The following RNF19A variants were observed in gnomAD, a reference collection of about 807,000 sequenced individuals.
RNF19A encodes the protein ring finger protein 19A, RBR E3 ubiquitin protein ligase.
In RNF19A, 32 loss-of-function variants were observed where a neutral mutation model predicts 75.7. The ratio of observed to expected loss-of-function variants is 0.42; its 90% CI spans 0.32 to 0.57. The LOEUF is 0.57. RNF19A is among the 20% of genes least tolerant of loss of function. The probability of loss-of-function intolerance (pLI) is 0.10; values close to 1 mark genes in which losing one functional copy is unlikely to be tolerated. For missense variants in RNF19A, 782 were observed against 1,036.3 expected (o/e 0.75, Z 3.37); for synonymous variants, 335 against 345.2 (o/e 0.97, Z 0.33).
chr8:100,272,758 G>T (rs932799337), intron 3 of RNF19A, among the ~76,000 whole-genome samples: 1 of 151,968 alleles, frequency 6.6e-6, no homozygotes, highest in South Asian at 2.1e-4. Context: ...TGCCCAGGCT[G>T]TTGAAGTTTT....
chr8:100,315,875 T>C (rs1822365765), intron 1 of RNF19A, among the ~76,000 whole-genome samples: 1 of 152,224 alleles, frequency 6.6e-6, no homozygotes, highest in Non-Finnish European at 1.5e-5. Context: ...TCTATGGGGT[T>C]GGGGTGCTAG....
intron 1 of RNF19A, among the ~76,000 whole-genome samples, chr8:100,289,285 G>C (rs1821180171): frequency 6.6e-6 from 1 of 152,078 alleles, no homozygotes; most frequent in Non-Finnish European, 1.5e-5. Context: ...GGAGACAAAA[G>C]AGACTATTTC....
Position 100,261,102 on chromosome 8 carries a change from TC to T in RNF19A, c.1682+439del, listed in dbSNP as rs931263207. ...ACTTAGAAATCTACCACCAAATTTTTCTTTTTTTTTTTGAGACAGGGTCTCA... is the reference window on the plus strand; with the variant it reads ...ACTTAGAAATCTACCACCAAATTTTTTTTTTTTTTTTGAGACAGGGTCTCA... On this transcript the variant is annotated intron_variant, in intron 8 of 9. Transcript: ENST00000341084. This position sits in a 1 kb window ranked among gnomAD's most constrained non-coding sequence, Gnocchi z 4.4. Among the ~76,000 whole-genome samples, 2 of 151,982 alleles carry T rather than the reference TC, an allele frequency of 1.3e-5. No homozygotes were observed. The highest frequency in any genetic ancestry group is 2.9e-5 in the Non-Finnish European group (2 of 67,978).
intron 1 of RNF19A, among the ~76,000 whole-genome samples, chr8:100,305,153 T>C (rs143888775): frequency 6.6e-6 from 1 of 152,310 alleles, no homozygotes; most frequent in Non-Finnish European, 1.5e-5. Context: ...GTCAGGCTAG[T>C]CTTGCCCGAC....
chr8:100,270,437 A>C (rs1820201091), intron 3 of RNF19A, among the ~76,000 whole-genome samples: 1 of 152,110 alleles, frequency 6.6e-6, no homozygotes, highest in Admixed American at 6.5e-5. Flanking sequence ...CTATTCCTTT[A>C]GTGAATGAAC....
At chr8:100,288,958 G>A (rs1372634666) in intron 1 of RNF19A, among the ~76,000 whole-genome samples, 1 of 151,642 alleles carries the variant, frequency 6.6e-6, no homozygotes, top group East Asian at 1.9e-4. Context: ...TATTCGGGAG[G>A]CTGAGGCAGG....
chr8:100,259,761 G>T lies in RNF19A; in HGVS notation c.1826+93C>A. The T allele has an allele frequency of 9.0e-7, 1 of 1,115,242 alleles. No individual in the cohort carries two copies. Among genetic ancestry groups the T allele is most frequent in the South Asian group, 1.5e-5 (1 of 66,424 alleles). 69.1% of individuals were successfully genotyped at this position (1,115,242 alleles called of 1,614,324 possible). On this transcript the variant is annotated intron_variant, in intron 9 of 9. Coordinates refer to ENST00000341084, the MANE Select transcript of RNF19A (RefSeq NM_183419.4). The surrounding 1 kb of genome is among the most constrained non-coding windows in gnomAD (Gnocchi z 4.5). ...CCTTTTCTCAGAGAACTTAATAGTT[G>T]GTAGCCACTTTTCACTGGTAATTTG...
intron 5 of RNF19A, among the ~76,000 whole-genome samples, chr8:100,265,549 T>G (rs1819931130): frequency 6.6e-6 from 1 of 152,186 alleles, no homozygotes; most frequent in Admixed American, 6.5e-5. Context: ...TTGCAAGGGC[T>G]AATATGGCAC....
chr8:100,276,098 G>A (rs556733748), intron 2 of RNF19A, among the ~76,000 whole-genome samples: 1 of 152,106 alleles, frequency 6.6e-6, no homozygotes, highest in Non-Finnish European at 1.5e-5. Flanking sequence ...GCATTCTTTG[G>A]CATTTATCCC....
chr8:100,310,393 G>A (rs1183575900), upstream of RNF19A: 1 of 294,078 alleles, frequency 3.4e-6, no homozygotes, highest in Non-Finnish European at 5.1e-6. Flanking sequence ...GTGTCTCCCT[G>A]GCCGGTTCTC....
At chr8:100,262,882 T>C (rs1338646503) in intron 7 of RNF19A, among the ~76,000 whole-genome samples, 2 of 152,068 alleles carry the variant, frequency 1.3e-5, no homozygotes, top group African/African-American at 4.8e-5. Context: ...ATCAATCAGA[T>C]GTAGGACAAG....
At chr8:100,296,886 C>T (rs1821589433) in intron 1 of RNF19A, among the ~76,000 whole-genome samples, 1 of 152,184 alleles carries the variant, frequency 6.6e-6, no homozygotes, top group Admixed American at 6.5e-5. Context: ...TAAAAAACAA[C>T]TTTCATGGCT....
chr8:100,316,852 G>A (rs1276889658), intron 1 of RNF19A, among the ~76,000 whole-genome samples: 2 of 152,204 alleles, frequency 1.3e-5, no homozygotes, highest in Non-Finnish European at 2.9e-5. Flanking sequence ...GGCTCAGGCC[G>A]CACAGCAACT....
At chr8:100,312,908 C>T (rs553711901), upstream of RNF19A, among the ~76,000 whole-genome samples, 6 of 152,224 alleles carry the variant, frequency 3.9e-5, no homozygotes, top group South Asian at 6.2e-4. Context: ...GGCAATAGAG[C>T]GAGACTCTGT....
At position 100,264,587 on chromosome 8, in the gene RNF19A, T is replaced by TA; in HGVS notation, c.1306+83dup. Reference sequence around the variant, plus strand: ...GGCTCAATTTAAATTGTCCTCAAATTAAAAAACAATTAAAAAAAATCCTTC... The same window carrying TA: ...GGCTCAATTTAAATTGTCCTCAAATTAAAAAAACAATTAAAAAAAATCCTTC... On this transcript the variant is annotated intron_variant, in intron 6 of 9. Coordinates refer to ENST00000341084, the MANE Select transcript of RNF19A (RefSeq NM_183419.4). This position sits in a 1 kb window ranked among gnomAD's most constrained non-coding sequence, Gnocchi z 4.7. 1.1e-6 allele frequency: 1 copy of TA among 909,056 alleles called. No homozygotes were observed. Among genetic ancestry groups the TA allele is most frequent in the Admixed American group, 2.2e-5 (1 of 44,496 alleles). The allele number at this position is 909,056 out of a possible 1,614,324, so 56.3% of individuals were successfully genotyped here.
chr8:100,287,385 C>T lies in RNF19A; in HGVS notation c.674+116G>A, dbSNP rs1413981883. 1.1e-6 allele frequency: 1 copy of T among 878,106 alleles called. No homozygotes were observed. Among genetic ancestry groups the T allele is most frequent in the African/African-American group, 1.7e-5 (1 of 58,868 alleles). The allele number at this position is 878,106 out of a possible 1,614,324, so 54.4% of individuals were successfully genotyped here. A position where few individuals can be genotyped will look rare whatever the true frequency, so the allele number is the denominator to read the frequency against. ...TGCCTGACATATGGTGTGCACTCAACATGTCTGTTGAATGAATTCTCCAGC... is the reference window on the plus strand; with the variant it reads ...TGCCTGACATATGGTGTGCACTCAATATGTCTGTTGAATGAATTCTCCAGC... On this transcript the variant is annotated intron_variant, in intron 2 of 9. Coordinates refer to ENST00000341084, the MANE Select transcript of RNF19A (RefSeq NM_183419.4). The surrounding 1 kb of genome is among the most constrained non-coding windows in gnomAD (Gnocchi z 4.1).
At chr8:100,302,146 C>T (rs1586676405) in intron 1 of RNF19A, among the ~76,000 whole-genome samples, 2 of 152,168 alleles carry the variant, frequency 1.3e-5, no homozygotes, top group African/African-American at 4.8e-5. Context: ...GACAGGGAAA[C>T]TTGGGTTTCT....
upstream of RNF19A, chr8:100,310,131 T>G: frequency 1.0e-6 from 1 of 975,650 alleles, no homozygotes; most frequent in Non-Finnish European, 1.2e-6. Context: ...CGCTTTCCCC[T>G]CCTCCTCCTC....
At chr8:100,306,735 T>C (rs1468265412) in intron 1 of RNF19A, among the ~76,000 whole-genome samples, 1 of 152,208 alleles carries the variant, frequency 6.6e-6, no homozygotes, top group African/African-American at 2.4e-5. Flanking sequence ...AAGGAAATAT[T>C]ATCCCTTAGT....
Sources: gnomAD v4.1 joint callset for allele counts (sites outside exome capture counted in the v4.1 genomes callset) on GRCh38, gnomAD v4.1.1 for gene constraint, Gnocchi (gnomAD v3.1) non-coding constraint, MANE v1.5 for transcripts, NCBI Gene and HGNC (gene_info 2026-07-23, HGNC 2026-07-21) for gene names.